The following SKI variants were observed in gnomAD, a reference collection of about 807,000 sequenced individuals.
SKI encodes the protein ski oncogene.
In SKI, 23 loss-of-function variants were observed where a neutral mutation model predicts 59.3. That is an observed-to-expected ratio of 0.39 (90% CI 0.28 to 0.55). The LOEUF is 0.55. Ranked by LOEUF, SKI falls within the 20% of genes least tolerant of loss-of-function variation. The probability of loss-of-function intolerance (pLI) is 0.67; values close to 1 mark genes in which losing one functional copy is unlikely to be tolerated. For missense variants in SKI, 1,017 were observed against 1,038.9 expected (o/e 0.98, Z 0.29); for synonymous variants, 673 against 488.6 (o/e 1.38, Z -4.98).
Position 2,308,304 on chromosome 1 carries a change from C to T in SKI, c.*1539C>T, listed in dbSNP as rs553059180. ...CAAAGACCAGAGACTGCTGAGCCCT[C>T]GCATCTGGGTGGCGGAATTGCCTGC... On this transcript the variant is annotated 3_prime_UTR_variant, in exon 7 of 7. Transcript: ENST00000378536. 1.2e-4 allele frequency: 18 copies of T among 152,318 alleles called. No homozygotes were observed. Among genetic ancestry groups the T allele is most frequent in the African/African-American group, 3.4e-4 (14 of 41,552 alleles). 9.4% of individuals were successfully genotyped at this position (152,318 alleles called of 1,614,324 possible). A position where few individuals can be genotyped will look rare whatever the true frequency, so the allele number is the denominator to read the frequency against.
chr1:2,280,137 A>G (rs1156613028), intron 1 of SKI, among the ~76,000 whole-genome samples: 5 of 151,688 alleles, frequency 3.3e-5, no homozygotes, highest in African/African-American at 1.2e-4. Flanking sequence ...TGGGAGGCCG[A>G]GGCGGGTGGC....
rs1420999591 is a variant in SKI at position 2,310,194 on chromosome 1, A to G, written c.*3429A>G. 6.6e-6 allele frequency: 1 copy of G among 152,070 alleles called. No individual in the cohort carries two copies. 9.4% of individuals were successfully genotyped at this position (152,070 alleles called of 1,614,324 possible). On this transcript the variant is annotated 3_prime_UTR_variant, in exon 7 of 7. Transcript: ENST00000378536. ...GACCCCGAAACAGATGACATTGTACAATAAAGGACTTTGAGAGGACCGCGG... is the reference window on the plus strand; with the variant it reads ...GACCCCGAAACAGATGACATTGTACGATAAAGGACTTTGAGAGGACCGCGG...
intron 1 of SKI, among the ~76,000 whole-genome samples, chr1:2,251,891 C>T (rs1202047466): frequency 1.3e-5 from 2 of 152,246 alleles, no homozygotes; most frequent in East Asian, 1.9e-4. Flanking sequence ...CCCTTGGCTC[C>T]GGGCACAGCG....
At chr1:2,239,820 G>A (rs1321850656) in intron 1 of SKI, among the ~76,000 whole-genome samples, 2 of 152,200 alleles carry the variant, frequency 1.3e-5, no homozygotes, top group African/African-American at 2.4e-5. Flanking sequence ...CCTCCGGGGC[G>A]TCCCAGTGTG....
At chr1:2,306,414 G>A (rs1336732451) in intron 6 of SKI, among the ~76,000 whole-genome samples, 163 bp from the exon 7 acceptor site, 3 of 152,212 alleles carry the variant, frequency 2.0e-5, no homozygotes, top group East Asian at 1.9e-4. Context: ...GTGGTTGCTG[G>A]GCCCTGCGTC....
intron 1 of SKI, among the ~76,000 whole-genome samples, chr1:2,237,768 G>T (rs1638783395): frequency 6.6e-6 from 1 of 152,242 alleles, no homozygotes; most frequent in Non-Finnish European, 1.5e-5. Flanking sequence ...TTGCCCTGTT[G>T]AGGGAACGTG....
Position 2,304,036 on chromosome 1 carries a change from C to A in SKI, c.1408C>A (p.Pro470Thr). ...DTPGAPETLA[P>T]VAAPEEDKDS... ...CCCAGGAGCCCCAGAGACGCTGGCG[C>A]CCGTGGCTGCCCCAGAGGAGGACAA... Residue 470 changes from proline to threonine, a missense_variant, in exon 4 of 7, where the codon CCC becomes ACC. Transcript: ENST00000378536. 6.2e-7 allele frequency: 1 copy of A among 1,612,444 alleles called. No individual in the cohort carries two copies. The highest frequency in any genetic ancestry group is 8.5e-7 in the Non-Finnish European group (1 of 1,179,854).
rs1225730036 is a variant in SKI, at chr1:2,303,562, C to T, written c.1211+162C>T. The stretch of plus-strand genomic sequence containing the variant: ...TTCCTTTGGCTGGCATCAGGGAGAG[C>T]ACACCTAGAGCGTTCCCTGTGTTCT... On this transcript the variant is annotated intron_variant, in intron 3 of 6. Coordinates refer to ENST00000378536, the MANE Select transcript of SKI (RefSeq NM_003036.4). This position sits in a 1 kb window ranked among gnomAD's most constrained non-coding sequence, Gnocchi z 5.6. 4.2e-6 allele frequency: 3 copies of T among 713,578 alleles called. No homozygotes were observed. Among genetic ancestry groups the T allele is most frequent in the Non-Finnish European group, 7.0e-6 (3 of 429,002 alleles). The allele number at this position is 713,578 out of a possible 1,614,324, so 44.2% of individuals were successfully genotyped here.
chr1:2,261,678 G>A (rs1400488508), intron 1 of SKI, among the ~76,000 whole-genome samples: 5 of 152,186 alleles, frequency 3.3e-5, no homozygotes, highest in African/African-American at 1.2e-4. Context: ...TGATCATGTC[G>A]TCTGCAGTAA....
chr1:2,278,340 C>T (rs192497226), intron 1 of SKI, among the ~76,000 whole-genome samples: 110 of 152,310 alleles, frequency 7.2e-4, no homozygotes, highest in Middle Eastern at 3.4e-3. Context: ...TGCTGTGAGA[C>T]GCAGGAGCCC....
At chr1:2,246,730 C>T (rs146549591) in intron 1 of SKI, among the ~76,000 whole-genome samples, 3 of 152,192 alleles carry the variant, frequency 2.0e-5, no homozygotes, top group South Asian at 4.1e-4. Context: ...GGGCCGAAGG[C>T]TGTGAGTGCC....
At chr1:2,295,652 G>T (rs1468168266) in intron 1 of SKI, among the ~76,000 whole-genome samples, 1 of 152,130 alleles carries the variant, frequency 6.6e-6, no homozygotes, top group Non-Finnish European at 1.5e-5. Flanking sequence ...GCGTGGCTGT[G>T]TGTATGAGAG....
intron 1 of SKI, among the ~76,000 whole-genome samples, chr1:2,260,086 CA>C (rs1258721101): frequency 2.0e-5 from 3 of 152,206 alleles, no homozygotes; most frequent in Non-Finnish European, 4.4e-5. Flanking sequence ...TAGAAACTGC[CA>C]GACTATCTTC....
chr1:2,306,688 G>A lies in SKI; in HGVS notation c.2110G>A (p.Glu704Lys). Residue 704 changes from glutamate (E) to lysine (K), a missense_variant, in exon 7 of 7, where the codon GAG becomes AAG. Physicochemically the swap from Glu to Lys is moderately conservative, Grantham distance 56. Transcript: ENST00000378536. The stretch of plus-strand genomic sequence containing the variant: ...GGAGCACCTGGAGAAGGTGGTGAAG[G>A]AGCTGCAGGAACAGCTGTGGCCGCG... Reference protein sequence around the residue: ...AREHLEKVVKELQEQLWPRAR... With the variant: ...AREHLEKVVKKLQEQLWPRAR... The A allele has an allele frequency of 6.5e-7, 1 of 1,544,246 alleles. No individual in the cohort carries two copies. The highest frequency in any genetic ancestry group is 8.7e-7 in the Non-Finnish European group (1 of 1,145,056).
chr1:2,246,861 G>A (rs1005723133), intron 1 of SKI, among the ~76,000 whole-genome samples: 147 of 151,272 alleles, frequency 9.7e-4, no homozygotes, highest in African/African-American at 3.4e-3. Flanking sequence ...GATGGGGGGG[G>A]CCTCAGGAAC....
chr1:2,257,282 T>C (rs1478966224), intron 1 of SKI, among the ~76,000 whole-genome samples: 1 of 152,262 alleles, frequency 6.6e-6, no homozygotes, highest in Non-Finnish European at 1.5e-5. Flanking sequence ...AAAGGGGCAT[T>C]TCCCCACATT....
At position 2,299,237 on chromosome 1, in the gene SKI, T is replaced by C. The variant is rs138653254; in HGVS notation, c.970-3741T>C. ...GCATCAGCTCGGGGACCCGAGTGAC[T>C]GTCCCTGCCTCGGGGAGGGGGGGGG... On this transcript the variant is annotated intron_variant, in intron 1 of 6. Transcript: ENST00000378536. Among the ~76,000 whole-genome samples the C allele has an allele frequency of 3.0e-3, 388 of 131,070 alleles. 2 individuals are homozygous for C. The highest frequency in any genetic ancestry group is 0.012 in the African/African-American group (375 of 30,940). The allele number at this position is 131,070 out of a possible 152,430, so 86.0% of individuals were successfully genotyped here.
intron 1 of SKI, among the ~76,000 whole-genome samples, chr1:2,264,240 A>G (rs1471489319): frequency 6.6e-6 from 1 of 152,152 alleles, no homozygotes. Context: ...TTGACTTCAA[A>G]AAGTTTCAAT....
Position 2,306,233 on chromosome 1 carries a change from G to C in SKI, c.1981G>C (p.Ala661Pro), listed in dbSNP as rs771845588. The C allele has an allele frequency of 1.3e-6, 2 of 1,557,346 alleles. No individual in the cohort carries two copies. The highest frequency in any genetic ancestry group is 1.7e-6 in the Non-Finnish European group (2 of 1,151,712). The change falls in exon 6 of 7, where the codon GCC (alanine) becomes CCC (proline). Residue 661 changes from alanine (A) to proline (P), a missense_variant. Coordinates refer to ENST00000378536, the MANE Select transcript of SKI (RefSeq NM_003036.4). ...GGGCTGCGAGGCGGGCCGCCTGCGC[G>C]CCAAGTACTCGGCCCAGGTATGCGG... Reference protein sequence around the residue: ...DKGCEAGRLRAKYSAQIEDLQ... With the variant: ...DKGCEAGRLRPKYSAQIEDLQ...
Sources: allele counts gnomAD v4.1 joint callset (sites outside exome capture counted in the v4.1 genomes callset), GRCh38; gene constraint gnomAD v4.1.1; non-coding constraint Gnocchi (gnomAD v3.1); transcripts MANE v1.5; gene names NCBI Gene and HGNC (gene_info 2026-07-23, HGNC 2026-07-21).